The following MIA2 variants were observed in gnomAD, a reference collection of about 807,000 sequenced individuals.
MIA2 encodes melanoma inhibitory activity protein 2.
A neutral mutation model predicts 167.8 loss-of-function variants in MIA2; 127 were observed. The observed-to-expected ratio is 0.76, with a 90% CI of 0.66 to 0.88. The LOEUF (loss-of-function observed/expected upper bound fraction) is 0.88. Ranked by LOEUF, MIA2 falls within the 40% of genes least tolerant of loss-of-function variation. The probability of loss-of-function intolerance (pLI) is 0.00; values close to 1 mark genes in which losing one functional copy is unlikely to be tolerated. For missense variants in MIA2, 1,690 were observed against 1,624.7 expected (o/e 1.04, Z -0.69); for synonymous variants, 552 against 541.9 (o/e 1.02, Z -0.26).
At chr14:39,297,677 G>GTGTGTGT (rs1232488850) in intron 13 of MIA2, among the ~76,000 whole-genome samples, 1 of 151,356 alleles carries the variant, frequency 6.6e-6, no homozygotes, top group African/African-American at 2.4e-5. Flanking sequence ...GTGTGTGTGT[G>GTGTGTGT]TGTGTGTGTG....
chr14:39,276,393 G>A (rs1374312367), intron 6 of MIA2: 1 of 152,716 alleles, frequency 6.5e-6, no homozygotes, highest in Admixed American at 6.5e-5. Flanking sequence ...ACACTTAAGA[G>A]AAGGGACGCA....
intron 25 of MIA2, among the ~76,000 whole-genome samples, chr14:39,342,429 G>T (rs971357475): frequency 6.6e-6 from 1 of 152,058 alleles, no homozygotes; most frequent in Non-Finnish European, 1.5e-5. Context: ...CATTTGGGTT[G>T]GTTCCAAGTC....
At chr14:39,324,474 GT>G (rs1378677105) in intron 24 of MIA2, among the ~76,000 whole-genome samples, 5 of 152,136 alleles carry the variant, frequency 3.3e-5, no homozygotes, top group African/African-American at 1.2e-4. Flanking sequence ...TGGAAAATTT[GT>G]TTTAAAGATT....
chr14:39,337,885 G>A (rs1378363213), intron 25 of MIA2, among the ~76,000 whole-genome samples: 1 of 151,868 alleles, frequency 6.6e-6, no homozygotes, highest in Non-Finnish European at 1.5e-5. Context: ...GCCCGGCCAG[G>A]CTAATTTTAA....
intron 23 of MIA2, among the ~76,000 whole-genome samples, chr14:39,384,126 G>T (rs1027523588): frequency 6.6e-6 from 1 of 152,180 alleles, no homozygotes; most frequent in Non-Finnish European, 1.5e-5. Flanking sequence ...TGACTTCAAA[G>T]CTTCAAAGGG....
chr14:39,296,704 A>G (rs1212358298), intron 13 of MIA2, among the ~76,000 whole-genome samples: 1 of 149,256 alleles, frequency 6.7e-6, no homozygotes, highest in African/African-American at 2.5e-5. Flanking sequence ...TTACATATGT[A>G]TACATGTGCC....
At chr14:39,261,324 CT>C (rs1248473943) in intron 6 of MIA2, among the ~76,000 whole-genome samples, 1 of 151,954 alleles carries the variant, frequency 6.6e-6, no homozygotes, top group Non-Finnish European at 1.5e-5. Flanking sequence ...TGAACTCATC[CT>C]TTTTTATGGC....
chr14:39,267,159 C>G (rs907476443), intron 6 of MIA2: 170 of 1,172,452 alleles, frequency 1.4e-4, no homozygotes, highest in Admixed American at 4.2e-4. Flanking sequence ...CCGGCCGAAA[C>G]CAAACCGAGG....
intron 23 of MIA2, among the ~76,000 whole-genome samples, chr14:39,356,696 T>A (rs141832120): frequency 6.6e-6 from 1 of 152,262 alleles, no homozygotes; most frequent in Non-Finnish European, 1.5e-5. Context: ...TTTAGTGCTA[T>A]AAATTTCCCT....
At chr14:39,325,756 C>T (rs2067412694) in intron 24 of MIA2, among the ~76,000 whole-genome samples, 1 of 151,392 alleles carries the variant, frequency 6.6e-6, no homozygotes, top group African/African-American at 2.4e-5. Flanking sequence ...CTCTGTCACC[C>T]AGGCTGGAGT....
chr14:39,356,929 A>G (rs1449419608), intron 23 of MIA2, among the ~76,000 whole-genome samples: 1 of 152,146 alleles, frequency 6.6e-6, no homozygotes, highest in Non-Finnish European at 1.5e-5. Context: ...GTTTGTTATA[A>G]TTTCTGTTCT....
chr14:39,365,371 T>G lies in MIA2; in HGVS notation c.2248+16394T>G, dbSNP rs150941504. ...CACTGCACCCGGCCATTAAATAGGT[T>G]TTCAGTGCCTTTAGCCTTCTCTTCT... On this transcript the variant is annotated intron_variant, in intron 23 of 23. Coordinates refer to the MIA2 transcript ENST00000341502. Among the ~76,000 whole-genome samples the G allele has an allele frequency of 6.0e-4, 91 of 152,342 alleles. 1 individual carries two copies. In the East Asian group the frequency reaches 0.015, roughly 25 times the overall value.
At chr14:39,274,238 ATGTAATTC>A (rs1400885151) in intron 6 of MIA2, among the ~76,000 whole-genome samples, 5 of 152,094 alleles carry the variant, frequency 3.3e-5, no homozygotes, top group Non-Finnish European at 7.4e-5. Flanking sequence ...ATCAGATTAC[ATGTAATTC>A]TGTATTATAT....
Position 39,324,190 on chromosome 14 carries a change from A to T in MIA2, c.3497-2674A>T, listed in dbSNP as rs2067006687. 3.9e-5 allele frequency among the ~76,000 whole-genome samples: 6 copies of T among 152,332 alleles called. 1 individual carries two copies. The South Asian group carries it at 1.2e-3, about 32-fold the overall frequency. On this transcript the variant is annotated intron_variant, in intron 24 of 28. Coordinates refer to ENST00000640607, the MANE Select transcript of MIA2 (RefSeq NM_001329214.4). The stretch of plus-strand genomic sequence containing the variant: ...TTCACTGGGTAGTCAGTTGGCCTGT[A>T]GCTTTGGTCTTCTGGAAGTAAGCAA...
chr14:39,247,346 G>A lies in MIA2; in HGVS notation c.772G>A (p.Val258Met), dbSNP rs757392945. Residue 258 changes from valine (V) to methionine (M), a missense_variant, in exon 4 of 29, where the codon GTG becomes ATG. By Grantham distance (21) the Val-to-Met change is conservative. Coordinates refer to ENST00000640607, the MANE Select transcript of MIA2 (RefSeq NM_001329214.4). ...CTCATTTCGGAGTAGAAAAATAGCA[G>A]TGGAAGATGAGAATGACCTAGAGGA... ...ESSFRSRKIA[V>M]EDENDLEELN... 9.9e-6 allele frequency: 16 copies of A among 1,614,006 alleles called. No homozygotes were observed. In the Admixed American group the frequency reaches 1.0e-4, roughly 10 times the overall value.
chr14:39,247,490 T>C lies in MIA2; in HGVS notation c.916T>C (p.Ser306Pro). The change falls in exon 4 of 29, where the codon TCC becomes CCC. Residue 306 changes from serine (S) to proline (P), a missense_variant. By Grantham distance (74) the Ser-to-Pro change is moderately conservative. Transcript: ENST00000640607. ...SESEHIPKPQ[S>P]TGWFGGGFTS... ...GTCAGAGCACATTCCCAAACCTCAA[T>C]CCACTGGTTGGTTTGGTGGAGGATT... 1.2e-6 allele frequency: 2 copies of C among 1,613,940 alleles called. No homozygotes were observed. Among genetic ancestry groups the C allele is most frequent in the Non-Finnish European group, 1.7e-6 (2 of 1,179,940 alleles).
At chr14:39,373,027 C>A (rs533453699) in intron 23 of MIA2, among the ~76,000 whole-genome samples, 1 of 152,088 alleles carries the variant, frequency 6.6e-6, no homozygotes, top group African/African-American at 2.4e-5. Flanking sequence ...GAGTTAGAGC[C>A]GTCCCTAGCA....
chr14:39,317,138 G>C (rs2065616454), intron 21 of MIA2, among the ~76,000 whole-genome samples: 1 of 152,144 alleles, frequency 6.6e-6, no homozygotes, highest in South Asian at 2.1e-4. Flanking sequence ...GTGTTCTAGA[G>C]CACAGGGCAG....
chr14:39,268,952 TAATC>T, intron 6 of MIA2: 1 of 926,234 alleles, frequency 1.1e-6, no homozygotes, highest in Non-Finnish European at 1.3e-6. Context: ...AAAACAATAA[TAATC>T]AAGATTTAGT....
Sources: allele counts gnomAD v4.1 joint callset (sites outside exome capture counted in the v4.1 genomes callset), GRCh38; gene constraint gnomAD v4.1.1; transcripts MANE v1.5; gene names NCBI Gene and HGNC (gene_info 2026-07-23, HGNC 2026-07-21).